MACROD2: variants seen among roughly 807,000 people sequenced by gnomAD.
MACROD2 encodes mono-ADP ribosylhydrolase 2, also known as ADP-ribose glycohydrolase MACROD2.
A neutral mutation model predicts 70.4 loss-of-function variants in MACROD2; 36 were observed. That is an observed-to-expected ratio of 0.51 (90% CI 0.39 to 0.68). The LOEUF (loss-of-function observed/expected upper bound fraction) is 0.68, where lower values mean the gene tolerates loss of function less well. Among genes scored for constraint, MACROD2 ranks in the 30% least tolerant of loss-of-function variants. The pLI is 0.00. For synonymous variants in MACROD2, 172 were observed against 178.8 expected, an observed-to-expected ratio of 0.96 and a Z score of 0.30; for missense variants, 496 against 538.4, an observed-to-expected ratio of 0.92 and a Z score of 0.78.
chr20:14,363,890 G>A (rs1467633300), intron 3 of MACROD2, among the ~76,000 whole-genome samples: 1 of 148,514 alleles, frequency 6.7e-6, no homozygotes, highest in Admixed American at 6.7e-5. Context: ...TGTTGGGAAT[G>A]TGTCAGAAAA....
chr20:15,436,922 T>C (rs2046434900), intron 7 of MACROD2, among the ~76,000 whole-genome samples: 1 of 152,186 alleles, frequency 6.6e-6, no homozygotes. Context: ...ACTAGAATTG[T>C]TTTTCTAAAA....
At chr20:14,628,972 T>C (rs779821580) in intron 4 of MACROD2, 2 of 152,218 alleles carry the variant, frequency 1.3e-5, no homozygotes, top group African/African-American at 2.4e-5. Context: ...CCCATTTAGT[T>C]CTGAGTACCA....
At chr20:15,813,803 C>A (rs1033338373) in intron 8 of MACROD2, among the ~76,000 whole-genome samples, 2 of 152,048 alleles carry the variant, frequency 1.3e-5, no homozygotes, top group African/African-American at 4.8e-5. Context: ...AACACAATAT[C>A]TTGAACTTCA....
At chr20:15,516,670 T>C (rs2047572410) in intron 8 of MACROD2, among the ~76,000 whole-genome samples, 1 of 152,182 alleles carries the variant, frequency 6.6e-6, no homozygotes, top group Admixed American at 6.5e-5. Context: ...GAAATCCAAA[T>C]GCCTGTCTTA....
At chr20:14,135,456 C>A (rs1244609024) in intron 3 of MACROD2, among the ~76,000 whole-genome samples, 1 of 151,962 alleles carries the variant, frequency 6.6e-6, no homozygotes, top group East Asian at 1.9e-4. Context: ...TCACTTGAGG[C>A]CAGGAATTTG....
intron 5 of MACROD2, among the ~76,000 whole-genome samples, chr20:14,878,662 A>G (rs1280736560): frequency 6.6e-6 from 1 of 152,176 alleles, no homozygotes; most frequent in Non-Finnish European, 1.5e-5. Context: ...AATTCTACCT[A>G]ATAATTTATT....
intron 3 of MACROD2, among the ~76,000 whole-genome samples, chr20:14,204,217 C>T (rs1438063327): frequency 6.6e-6 from 1 of 152,156 alleles, no homozygotes; most frequent in East Asian, 1.9e-4. Context: ...GCTTCAACTT[C>T]CTTTGTCCCA....
At chr20:15,683,860 G>A (rs928518354) in intron 8 of MACROD2, among the ~76,000 whole-genome samples, 1 of 152,134 alleles carries the variant, frequency 6.6e-6, no homozygotes, top group Non-Finnish European at 1.5e-5. Flanking sequence ...GATTATAGGT[G>A]TGAGCCATCG....
chr20:14,878,834 G>A (rs1314781933), intron 5 of MACROD2, among the ~76,000 whole-genome samples: 1 of 151,948 alleles, frequency 6.6e-6, no homozygotes, highest in African/African-American at 2.4e-5. Context: ...CAGTTCAAAG[G>A]CCCATCTGAA....
At chr20:14,721,718 T>C (rs1367523239) in intron 5 of MACROD2, among the ~76,000 whole-genome samples, 1 of 152,210 alleles carries the variant, frequency 6.6e-6, no homozygotes, top group Non-Finnish European at 1.5e-5. Context: ...TGAAGTTGAA[T>C]TTCCTAAGCC....
chr20:15,001,570 A>C (rs561942480), intron 5 of MACROD2, among the ~76,000 whole-genome samples: 1 of 152,250 alleles, frequency 6.6e-6, no homozygotes, highest in South Asian at 2.1e-4. Flanking sequence ...GTACGCTGCA[A>C]TATGCTATGT....
chr20:14,052,012 G>T (rs1601162542), intron 2 of MACROD2: 2 of 476,422 alleles, frequency 4.2e-6, no homozygotes, highest in East Asian at 1.2e-4. Flanking sequence ...TGGAAAGAAA[G>T]TCTTACAGGT....
intron 5 of MACROD2, among the ~76,000 whole-genome samples, chr20:14,694,791 C>T (rs1195865074): frequency 6.6e-6 from 1 of 152,144 alleles, no homozygotes; most frequent in African/African-American, 2.4e-5. Context: ...TTGCTCATGT[C>T]TCTTTCCAGT....
chr20:14,022,608 C>T (rs1474712106), intron 2 of MACROD2, among the ~76,000 whole-genome samples: 3 of 151,940 alleles, frequency 2.0e-5, no homozygotes, highest in East Asian at 1.9e-4. Context: ...CCCCACCCAC[C>T]GACAGGCCCT....
At chr20:15,673,467 A>G (rs567466219) in intron 8 of MACROD2, among the ~76,000 whole-genome samples, 1 of 152,326 alleles carries the variant, frequency 6.6e-6, no homozygotes, top group African/African-American at 2.4e-5. Context: ...TGTCAGAAGT[A>G]TGAACCCTCA....
At chr20:14,557,073 A>G (rs540557605) in intron 4 of MACROD2, among the ~76,000 whole-genome samples, 2 of 152,140 alleles carry the variant, frequency 1.3e-5, no homozygotes, top group South Asian at 2.1e-4. Flanking sequence ...AAAGCCTTCC[A>G]TTGATGTCCA....
intron 5 of MACROD2, among the ~76,000 whole-genome samples, chr20:15,048,519 G>A (rs942223430): frequency 6.7e-6 from 1 of 150,350 alleles, no homozygotes; most frequent in South Asian, 2.1e-4. Flanking sequence ...TTATTATAAA[G>A]ACCAGATTAG....
chr20:15,858,159 T>C (rs897089019), intron 8 of MACROD2, among the ~76,000 whole-genome samples: 3 of 152,170 alleles, frequency 2.0e-5, no homozygotes, highest in Non-Finnish European at 4.4e-5. Context: ...ATGTTTTCTA[T>C]AAGTGAATGG....
intron 6 of MACROD2, among the ~76,000 whole-genome samples, chr20:15,378,181 C>CTAT (rs145567255): frequency 1.0e-5 from 1 of 96,692 alleles, no homozygotes; most frequent in Non-Finnish European, 1.8e-5. Context: ...AGAAAGGAAC[C>CTAT]CAAAGTCCTA....
Sources: gnomAD v4.1 joint callset for allele counts (sites outside exome capture counted in the v4.1 genomes callset) on GRCh38, gnomAD v4.1.1 for gene constraint, MANE v1.5 for transcripts, NCBI Gene and HGNC (gene_info 2026-07-23, HGNC 2026-07-21) for gene names.